The following CUX1 variants were observed in gnomAD, a reference collection of about 807,000 sequenced individuals.
CUX1 encodes the protein protein CASP.
Under a neutral mutation model 158.8 loss-of-function variants are expected in CUX1, and 31 were observed. The ratio of observed to expected loss-of-function variants is 0.20; its 90% CI spans 0.15 to 0.26. The LOEUF is 0.26. Among genes scored for constraint, CUX1 ranks in the 10% least tolerant of loss-of-function variants. The probability of loss-of-function intolerance (pLI) is 1.00; values close to 1 mark genes in which losing one functional copy is unlikely to be tolerated. For synonymous variants in CUX1, 879 were observed against 862.1 expected, an observed-to-expected ratio of 1.02 and a Z score of -0.34; for missense variants, 1,589 against 2,014.6, an observed-to-expected ratio of 0.79 and a Z score of 4.04.
intron 1 of CUX1, among the ~76,000 whole-genome samples, chr7:101,887,617 T>C (rs1052347293): frequency 6.6e-6 from 1 of 152,090 alleles, no homozygotes. Context: ...CCATGTCCTC[T>C]TTTTCTGATT....
intron 8 of CUX1, among the ~76,000 whole-genome samples, chr7:102,138,513 T>G (rs1554499304): frequency 6.6e-6 from 1 of 152,194 alleles, no homozygotes; most frequent in Non-Finnish European, 1.5e-5. Context: ...CACTTTCTGA[T>G]GCAGAACCAT....
chr7:101,951,673 A>G (rs984369592), intron 2 of CUX1, among the ~76,000 whole-genome samples: 1 of 151,454 alleles, frequency 6.6e-6, no homozygotes, highest in Non-Finnish European at 1.5e-5. Flanking sequence ...ACCCTGGCTA[A>G]TTTTTTTTTA....
At chr7:102,231,631 T>C (rs1554530839) in intron 21 of CUX1, among the ~76,000 whole-genome samples, 2 of 152,094 alleles carry the variant, frequency 1.3e-5, no homozygotes, top group African/African-American at 4.8e-5. Context: ...TAGCTATTCA[T>C]ATATATTGCT....
chr7:102,012,939 T>C (rs1043682875), intron 2 of CUX1, among the ~76,000 whole-genome samples: 1 of 152,158 alleles, frequency 6.6e-6, no homozygotes, highest in Non-Finnish European at 1.5e-5. Flanking sequence ...TTTCAGCTGA[T>C]TCCCAAATGT....
intron 23 of CUX1, among the ~76,000 whole-genome samples, chr7:102,247,387 GT>G (rs1554537291): frequency 6.6e-6 from 1 of 152,226 alleles, no homozygotes; most frequent in East Asian, 1.9e-4. Flanking sequence ...TTATCAGGCA[GT>G]TTCACTGATG....
intron 20 of CUX1, among the ~76,000 whole-genome samples, chr7:102,205,410 G>T (rs1284607577): frequency 1.3e-5 from 2 of 152,122 alleles, no homozygotes; most frequent in Non-Finnish European, 2.9e-5. Flanking sequence ...ATCCTTTGTC[G>T]GCCCAGAGCC....
At chr7:101,834,435 A>G (rs1375813485) in intron 1 of CUX1, among the ~76,000 whole-genome samples, 1 of 151,696 alleles carries the variant, frequency 6.6e-6, no homozygotes, top group Non-Finnish European at 1.5e-5. Flanking sequence ...TGGCCTCCCA[A>G]ATGCTGGGAT....
At chr7:102,216,617 C>CACA (rs1797155813) in intron 20 of CUX1, among the ~76,000 whole-genome samples, 1 of 60,410 alleles carries the variant, frequency 1.7e-5, no homozygotes, top group Non-Finnish European at 3.8e-5. Flanking sequence ...CACACACACT[C>CACA]CCCACACACA....
intron 2 of CUX1, among the ~76,000 whole-genome samples, chr7:101,972,836 C>G (rs551636499): frequency 6.6e-6 from 1 of 152,310 alleles, no homozygotes; most frequent in East Asian, 1.9e-4. Flanking sequence ...TGGTAACCAA[C>G]AGACACAGCC....
In CUX1 at chr7:102,253,551, G is replaced by C; in HGVS notation, c.*4509G>C. On this transcript the variant is annotated 3_prime_UTR_variant, in exon 24 of 24. Transcript: ENST00000292535. ...GAACTCTGTTGACATTCTATGCAAT[G>C]TTTTTCATTCCTCTGATTTTAGCAA... The C allele has an allele frequency of 3.0e-6, 3 of 985,476 alleles. No individual in the cohort carries two copies. The highest frequency in any genetic ancestry group is 3.6e-6 in the Non-Finnish European group (3 of 829,936). The allele number at this position is 985,476 out of a possible 1,614,324, so 61.0% of individuals were successfully genotyped here. A position where few individuals can be genotyped will look rare whatever the true frequency, so the allele number is the denominator to read the frequency against.
At chr7:102,109,306 A>G (rs1830664641) in intron 6 of CUX1, among the ~76,000 whole-genome samples, 1 of 152,264 alleles carries the variant, frequency 6.6e-6, no homozygotes, top group African/African-American at 2.4e-5. Flanking sequence ...CTCTACAAAA[A>G]TAGGCAAAGG....
At chr7:102,060,990 T>C (rs1268130041) in intron 3 of CUX1, among the ~76,000 whole-genome samples, 1 of 142,926 alleles carries the variant, frequency 7.0e-6, no homozygotes, top group Non-Finnish European at 1.5e-5. Context: ...AGTGGCATGA[T>C]CTCAGCTCAC....
At chr7:102,281,059 C>A (rs534496340) in intron 20 of CUX1, among the ~76,000 whole-genome samples, 1 of 152,330 alleles carries the variant, frequency 6.6e-6, no homozygotes, top group African/African-American at 2.4e-5. Flanking sequence ...CTGAACTGGG[C>A]TGTAGAGGGG....
chr7:101,821,697 T>TTTG (rs1792605787), intron 1 of CUX1, among the ~76,000 whole-genome samples: 1 of 116,840 alleles, frequency 8.6e-6, no homozygotes, highest in African/African-American at 3.2e-5. Flanking sequence ...TTTTTTTTTT[T>TTTG]GAGACGTGGT....
chr7:102,255,466 C>A lies in CUX1; in HGVS notation c.*6424C>A. On this transcript the variant is annotated 3_prime_UTR_variant, in exon 24 of 24. Coordinates refer to ENST00000292535, the MANE Select transcript of CUX1 (RefSeq NM_181552.4). ...CATAAATGTGCACTTCCCCCATGCC[C>A]CCGTTCTTAAACTCTTAAGATGCCT... 1 of 985,160 alleles carries A rather than the reference C, an allele frequency of 1.0e-6. No homozygotes were observed. Among genetic ancestry groups the A allele is most frequent in the Non-Finnish European group, 1.2e-6 (1 of 829,890 alleles). The allele number at this position is 985,160 out of a possible 1,614,324, so 61.0% of individuals were successfully genotyped here.
intron 4 of CUX1, among the ~76,000 whole-genome samples, chr7:102,087,316 C>T (rs1164243828): frequency 6.6e-6 from 1 of 152,166 alleles, no homozygotes; most frequent in African/African-American, 2.4e-5. Context: ...CATGATGGCT[C>T]ACACCTGTAA....
intron 4 of CUX1, among the ~76,000 whole-genome samples, chr7:102,077,664 G>T (rs1235022444): frequency 6.6e-6 from 1 of 151,874 alleles, no homozygotes; most frequent in East Asian, 1.9e-4. Flanking sequence ...GGCAGCTTCT[G>T]TCCCTTACTG....
intron 19 of CUX1, among the ~76,000 whole-genome samples, chr7:102,280,431 T>G (rs561409850): frequency 6.6e-6 from 1 of 152,264 alleles, no homozygotes; most frequent in African/African-American, 2.4e-5. Context: ...TGGAGTGCAT[T>G]TGCGGGACAG....
At chr7:101,840,146 A>G (rs1465110280) in intron 1 of CUX1, among the ~76,000 whole-genome samples, 1 of 152,236 alleles carries the variant, frequency 6.6e-6, no homozygotes, top group Non-Finnish European at 1.5e-5. Flanking sequence ...TTGATTTCGA[A>G]GCTGGGAAGC....
Sources: allele counts gnomAD v4.1 joint callset (sites outside exome capture counted in the v4.1 genomes callset), GRCh38; gene constraint gnomAD v4.1.1; transcripts MANE v1.5; gene names NCBI Gene and HGNC (gene_info 2026-07-23, HGNC 2026-07-21).